MGAM2: variants seen among roughly 807,000 people sequenced by gnomAD.
The protein encoded by MGAM2 is probable maltase-glucoamylase 2.
In MGAM2, 98 loss-of-function variants were observed where a neutral mutation model predicts 96.1. The observed-to-expected ratio is 1.02, with a 90% CI of 0.87 to 1.21. MGAM2 has a LOEUF of 1.21. Among genes scored for constraint, MGAM2 ranks in the 50% most tolerant of loss-of-function variants. The pLI is 0.00. For synonymous variants in MGAM2, 749 were observed against 414.8 expected, an observed-to-expected ratio of 1.81 and a Z score of -9.79; for missense variants, 2,055 against 1,182.4, an observed-to-expected ratio of 1.74 and a Z score of -10.82.
At chr7:142,152,184 A>C (rs1045892331) in intron 15 of MGAM2, among the ~76,000 whole-genome samples, 5 of 152,216 alleles carry the variant, frequency 3.3e-5, no homozygotes, top group East Asian at 3.9e-4. Context: ...AAAAAAAAAA[A>C]AACCCAGCAG....
chr7:142,131,928 C>G lies in MGAM2; in HGVS notation c.421-3C>G. 1.4e-6 allele frequency: 1 copy of G among 699,798 alleles called. No homozygotes were observed. The highest frequency in any genetic ancestry group is 2.6e-6 in the Non-Finnish European group (1 of 383,748). 43.3% of individuals were successfully genotyped at this position (699,798 alleles called of 1,614,324 possible). On this transcript the variant is annotated splice_region_variant and splice_polypyrimidine_tract_variant and intron_variant, in intron 5 of 47. Transcript: ENST00000477922. ...GTTGTCCCTTCTGTTTTTCTTTTGA[C>G]AGATCACTGACTTTAATAACATACG...
At chr7:142,214,103 A>G (rs1337189237) in intron 46 of MGAM2, among the ~76,000 whole-genome samples, 1 of 152,206 alleles carries the variant, frequency 6.6e-6, no homozygotes, top group Non-Finnish European at 1.5e-5. Context: ...GATAAAATTC[A>G]ACACCCTTTC....
At chr7:142,115,024 T>A (rs905621509) in intron 1 of MGAM2, among the ~76,000 whole-genome samples, 3 of 152,070 alleles carry the variant, frequency 2.0e-5, no homozygotes, top group Admixed American at 2.0e-4. Context: ...GAGACTAGCC[T>A]GGCCAACGTG....
chr7:142,161,876 C>G (rs957530334), intron 22 of MGAM2, 79 bp from the exon 23 acceptor site: 5 of 569,528 alleles, frequency 8.8e-6, no homozygotes, highest in Middle Eastern at 2.6e-4. Flanking sequence ...AAAGGAATTC[C>G]AGATGAAATG....
chr7:142,124,634 T>G (rs1043700895), intron 3 of MGAM2, among the ~76,000 whole-genome samples: 2 of 152,180 alleles, frequency 1.3e-5, no homozygotes, highest in African/African-American at 4.8e-5. Context: ...CTAGAAATTT[T>G]ATTGTGATTA....
chr7:142,201,066 T>TTTC, intron 45 of MGAM2, among the ~76,000 whole-genome samples: 1 of 104,764 alleles, frequency 9.5e-6, no homozygotes, highest in Admixed American at 1.2e-4. Flanking sequence ...AATAACATCC[T>TTTC]TTTTCTTTTT....
At chr7:142,117,840 G>A (rs1817467741) in intron 2 of MGAM2, among the ~76,000 whole-genome samples, 7 of 151,736 alleles carry the variant, frequency 4.6e-5, no homozygotes, top group Admixed American at 4.6e-4. Flanking sequence ...TGACTAATTG[G>A]TTTATTTTAT....
At position 142,222,013 on chromosome 7, in the gene MGAM2, C is replaced by T. The variant is rs773072884; in HGVS notation, c.7502C>T (p.Ala2501Val). The stretch of plus-strand genomic sequence containing the variant: ...AGTACAGTACATACCTCTGCTACTG[C>T]ACCTACTTATATTGCAAATGCCATA... Reference protein sequence around the residue: ...PDSTVHTSATAPTYIANAINA... With the variant: ...PDSTVHTSATVPTYIANAINA... Residue 2501 changes from alanine (A) to valine (V), a missense_variant, in exon 48 of 48, where the codon GCA becomes GTA. Physicochemically the swap from Ala to Val is moderately conservative, Grantham distance 64. Coordinates refer to ENST00000477922, the MANE Select transcript of MGAM2 (RefSeq NM_001293626.2). 145 of 398,244 alleles carry T rather than the reference C, an allele frequency of 3.6e-4. No homozygotes were observed. The highest frequency in any genetic ancestry group is 5.1e-4 in the Non-Finnish European group (116 of 225,890). The allele number at this position is 398,244 out of a possible 1,614,324, so 24.7% of individuals were successfully genotyped here. A position where few individuals can be genotyped will look rare whatever the true frequency, so the allele number is the denominator to read the frequency against.
chr7:142,159,232 T>C (rs1795820854), intron 19 of MGAM2, 55 bp from the exon 20 acceptor site: 1 of 697,366 alleles, frequency 1.4e-6, no homozygotes, highest in African/African-American at 1.8e-5. Flanking sequence ...TGGAGGTGTT[T>C]TGTAAACTGT....
chr7:142,195,488 C>T (rs192638182), intron 37 of MGAM2, among the ~76,000 whole-genome samples: 3 of 149,526 alleles, frequency 2.0e-5, no homozygotes, highest in South Asian at 2.1e-4. Flanking sequence ...TCCTGGGTAG[C>T]TGGGATTAGA....
intron 12 of MGAM2, among the ~76,000 whole-genome samples, chr7:142,141,456 A>G (rs1188510566): frequency 6.6e-6 from 1 of 152,128 alleles, no homozygotes; most frequent in African/African-American, 2.4e-5. Context: ...CTCATAGATT[A>G]ATGTGGAACT....
intron 2 of MGAM2, among the ~76,000 whole-genome samples, chr7:142,119,135 G>A (rs1350734482): frequency 1.3e-5 from 2 of 152,016 alleles, no homozygotes; most frequent in Non-Finnish European, 2.9e-5. Flanking sequence ...TATATCATTT[G>A]CAGATATATT....
chr7:142,136,728 T>A (rs1373251169), intron 8 of MGAM2, 88 bp downstream of exon 8: 1 of 559,240 alleles, frequency 1.8e-6, no homozygotes, highest in Non-Finnish European at 3.2e-6. Context: ...TGAGATCAAC[T>A]GTTGAACAGA....
intron 31 of MGAM2, among the ~76,000 whole-genome samples, chr7:142,173,573 G>A (rs1411786310): frequency 6.6e-6 from 1 of 152,058 alleles, no homozygotes; most frequent in Non-Finnish European, 1.5e-5. Context: ...CCTTACCAAA[G>A]TAATCAACGT....
intron 46 of MGAM2, among the ~76,000 whole-genome samples, chr7:142,215,140 TG>T (rs1420780536): frequency 6.6e-6 from 1 of 152,206 alleles, no homozygotes; most frequent in East Asian, 1.9e-4. Flanking sequence ...AATGAGTTCA[TG>T]CCCTTTTCAG....
At chr7:142,131,258 T>C (rs908935631) in intron 4 of MGAM2, among the ~76,000 whole-genome samples, 187 bp downstream of exon 4, 4 of 152,096 alleles carry the variant, frequency 2.6e-5, no homozygotes, top group Admixed American at 2.6e-4. Context: ...ACCAATGTGG[T>C]GAAACCCCGT....
At chr7:142,129,017 G>A (rs921001645) in intron 3 of MGAM2, among the ~76,000 whole-genome samples, 2 of 152,208 alleles carry the variant, frequency 1.3e-5, no homozygotes, top group Admixed American at 6.5e-5. Context: ...CAGCCAAGAG[G>A]GGGGCTGTAC....
In MGAM2 at chr7:142,131,028, C is replaced by A. The variant is rs1366902355; in HGVS notation, c.267C>A (p.Asn89Lys). 1.4e-6 allele frequency: 1 copy of A among 702,668 alleles called. No homozygotes were observed. The highest frequency in any genetic ancestry group is 2.6e-6 in the Non-Finnish European group (1 of 385,010). 43.5% of individuals were successfully genotyped at this position (702,668 alleles called of 1,614,324 possible). A position where few individuals can be genotyped will look rare whatever the true frequency, so the allele number is the denominator to read the frequency against. ...ANVPRCFFPW[N>K]WGYEASNGHT... ...TCCCTAGGTGCTTCTTCCCCTGGAA[C>A]TGGGGCTATGAAGCCAGCAATGGCC... is the stretch of plus-strand genomic sequence containing the variant. Residue 89 changes from asparagine (N) to lysine (K), a missense_variant, in exon 4 of 48, where the codon AAC becomes AAA. Asn to Lys is a moderately conservative substitution (Grantham distance 94). Coordinates refer to ENST00000477922, the MANE Select transcript of MGAM2 (RefSeq NM_001293626.2).
intron 3 of MGAM2, among the ~76,000 whole-genome samples, chr7:142,123,963 C>CCTT (rs1794659812): frequency 5.1e-5 from 5 of 98,096 alleles, no homozygotes; most frequent in African/African-American, 2.7e-4. Flanking sequence ...AGTCCAGAAA[C>CCTT]TTTTTTTTTT....
Sources: allele counts gnomAD v4.1 joint callset (sites outside exome capture counted in the v4.1 genomes callset), GRCh38; gene constraint gnomAD v4.1.1; transcripts MANE v1.5; gene names NCBI Gene and HGNC (gene_info 2026-07-23, HGNC 2026-07-21).